C22orf42: variants seen among roughly 807,000 people sequenced by gnomAD.
C22orf42 encodes the protein chromosome 22 open reading frame 42.
A neutral mutation model predicts 31.4 loss-of-function variants in C22orf42; 24 were observed. That is an observed-to-expected ratio of 0.77 (90% CI 0.55 to 1.08). The LOEUF is 1.08. Ranked by LOEUF, C22orf42 falls within the 50% of genes least tolerant of loss-of-function variation. The pLI is 0.00. For missense variants in C22orf42, 276 were observed against 327.3 expected, an observed-to-expected ratio of 0.84 and a Z score of 1.21; for synonymous variants, 96 against 112.7, an observed-to-expected ratio of 0.85 and a Z score of 0.94.
Position 32,154,792 on chromosome 22 carries a change from G to C in C22orf42, c.233-474C>G, listed in dbSNP as rs150302567. On this transcript the variant is annotated intron_variant, in intron 1 of 8. Coordinates refer to ENST00000382097, the MANE Select transcript of C22orf42 (RefSeq NM_001010859.3). Reference sequence around the variant, plus strand: ...AAAGGCTTAAGAAGACTCATGCTTTGTAAATGCCCAACAGTGTTCAATCAT... The same window carrying C: ...AAAGGCTTAAGAAGACTCATGCTTTCTAAATGCCCAACAGTGTTCAATCAT... 3.5e-4 allele frequency among the ~76,000 whole-genome samples: 53 copies of C among 152,332 alleles called. No homozygotes were observed. The East Asian group carries it at 8.9e-3, about 25-fold the overall frequency.
Position 32,152,087 on chromosome 22 carries a change from G to C in C22orf42, c.380C>G (p.Pro127Arg). The change falls in exon 4 of 9, where the codon CCT (proline) becomes CGT (arginine). Residue 127 changes from proline (P) to arginine (R), a missense_variant. Pro to Arg is a moderately radical substitution (Grantham distance 103). Coordinates refer to ENST00000382097, the MANE Select transcript of C22orf42 (RefSeq NM_001010859.3). ...EENMTSDIEI[P>R]EAKHDHRPTE... is the part of the protein sequence containing the mutation. The stretch of plus-strand genomic sequence containing the variant: ...CGTACGGTGGTCGTGCTTGGCCTCA[G>C]GTATTTCCTGCAATAAGAGAAAAGA... The C allele has an allele frequency of 6.2e-7, 1 of 1,604,830 alleles. No individual in the cohort carries two copies.
intron 1 of C22orf42, among the ~76,000 whole-genome samples, chr22:32,156,906 C>A (rs1391665452): frequency 1.3e-5 from 2 of 152,214 alleles, no homozygotes; most frequent in East Asian, 3.8e-4. Flanking sequence ...GCAATTGTGA[C>A]AAATTCCCCT....
At chr22:32,156,043 G>A (rs969063255) in intron 1 of C22orf42, among the ~76,000 whole-genome samples, 1 of 152,058 alleles carries the variant, frequency 6.6e-6, no homozygotes, top group Non-Finnish European at 1.5e-5. Context: ...CTCTTAAAAA[G>A]AAAAAGCATT....
In C22orf42 at chr22:32,159,292, C is replaced by T. The variant is rs1921468434; in HGVS notation, c.-77G>A. 6.4e-7 allele frequency: 1 copy of T among 1,557,112 alleles called. No individual in the cohort carries two copies. The highest frequency in any genetic ancestry group is 8.6e-7 in the Non-Finnish European group (1 of 1,157,446). ...TCGGAGCTCCTCCTCCTTCTACGGC[C>T]AGCTACCGACTGAAGGCTGCTGGCC... On this transcript the variant is annotated 5_prime_UTR_variant, in exon 1 of 9. Transcript: ENST00000382097.
At chr22:32,150,708 T>G (rs2094111513) in intron 6 of C22orf42, 1 of 624,664 alleles carries the variant, frequency 1.6e-6, no homozygotes, top group African/African-American at 1.8e-5. Context: ...CAATGTGAAA[T>G]AGTCACCTTA....
chr22:32,154,119 T>C (rs1476868504), intron 2 of C22orf42, 125 bp downstream of exon 2: 12 of 696,836 alleles, frequency 1.7e-5, no homozygotes, highest in Non-Finnish European at 2.7e-5. Flanking sequence ...GCATTTAAAT[T>C]GGCACAAATG....
chr22:32,153,612 A>G (rs982628791), intron 2 of C22orf42, among the ~76,000 whole-genome samples: 1 of 152,272 alleles, frequency 6.6e-6, no homozygotes, highest in African/African-American at 2.4e-5. Flanking sequence ...AGATGATTTC[A>G]CTGGTAAATT....
At chr22:32,153,903 TG>T (rs1261661115) in intron 2 of C22orf42, among the ~76,000 whole-genome samples, 1 of 150,774 alleles carries the variant, frequency 6.6e-6, no homozygotes, top group Non-Finnish European at 1.5e-5. Context: ...ACGTGCCTTA[TG>T]GCCAGCTACT....
rs767318752 is a variant in C22orf42 at position 32,152,107 on chromosome 22, A to C, written c.373-13T>G. ...CCTCAGGTATTTCCTGCAATAAGAGAAAAGAAAAAGAAACACCATGAGGAT... is the reference window on the plus strand; with the variant it reads ...CCTCAGGTATTTCCTGCAATAAGAGCAAAGAAAAAGAAACACCATGAGGAT... On this transcript the variant is annotated splice_polypyrimidine_tract_variant and intron_variant, in intron 3 of 8. Coordinates refer to ENST00000382097, the MANE Select transcript of C22orf42 (RefSeq NM_001010859.3). The C allele has an allele frequency of 6.2e-7, 1 of 1,604,848 alleles. No individual in the cohort carries two copies.
rs1203906364 is a variant in C22orf42, at chr22:32,149,088, GT to G, written c.*451del. 1.3e-5 allele frequency: 2 copies of G among 152,246 alleles called. No individual in the cohort carries two copies. The highest frequency in any genetic ancestry group is 2.9e-5 in the Non-Finnish European group (2 of 68,092). The allele number at this position is 152,246 out of a possible 1,614,324, so 9.4% of individuals were successfully genotyped here. On this transcript the variant is annotated 3_prime_UTR_variant, in exon 9 of 9. Transcript: ENST00000382097. ...TCCATCACTCCGAAACCCCCTTACAGTTTGGTAAGAATTACATGAGATAAAA... is the reference window on the plus strand; with the variant it reads ...TCCATCACTCCGAAACCCCCTTACAGTTGGTAAGAATTACATGAGATAAAA...
chr22:32,159,967 CAA>C (rs1427639873), upstream of C22orf42: 1 of 152,256 alleles, frequency 6.6e-6, no homozygotes, highest in African/African-American at 2.4e-5. Context: ...CTTTTACTAA[CAA>C]TGCATAAAGC....
At chr22:32,152,438 T>A (rs7293186) in intron 3 of C22orf42, 124 bp downstream of exon 3, 4 of 836,504 alleles carry the variant, frequency 4.8e-6, no homozygotes, top group Middle Eastern at 2.3e-4. Flanking sequence ...GTGACCGGTC[T>A]CTAGAGTCCA....
rs777559955 is a variant in C22orf42 at position 32,151,567 on chromosome 22, G to A, written c.401-16C>T. On this transcript the variant is annotated splice_polypyrimidine_tract_variant and intron_variant, in intron 4 of 8. Coordinates refer to ENST00000382097, the MANE Select transcript of C22orf42 (RefSeq NM_001010859.3). ...TCAGTGGGACCTAGGAGAACACAGA[G>A]TGACAGTCAGTGCATTGGTGCTGCT... 2.2e-5 allele frequency: 36 copies of A among 1,612,122 alleles called. No homozygotes were observed. The highest frequency in any genetic ancestry group is 5.0e-5 in the Admixed American group (3 of 60,006).
intron 4 of C22orf42, among the ~76,000 whole-genome samples, 180 bp from the exon 5 acceptor site, chr22:32,151,731 G>T (rs552840220): frequency 6.6e-6 from 1 of 152,304 alleles, no homozygotes; most frequent in African/African-American, 2.4e-5. Flanking sequence ...AGGGTAGAAA[G>T]AAATGAAAGA....
rs767848914 is a variant in C22orf42 at position 32,149,308 on chromosome 22, G to A, written c.*232C>T. The A allele has an allele frequency of 1.3e-5, 4 of 317,504 alleles. No homozygotes were observed. Among genetic ancestry groups the A allele is most frequent in the East Asian group, 1.1e-4 (2 of 17,454 alleles). The allele number at this position is 317,504 out of a possible 1,614,324, so 19.7% of individuals were successfully genotyped here. ...ACTCTGTAATGACCCAGGATGGGGC[G>A]GGTGTTCTTCTGCATGGTGACTGAG... On this transcript the variant is annotated 3_prime_UTR_variant, in exon 9 of 9. Coordinates refer to ENST00000382097, the MANE Select transcript of C22orf42 (RefSeq NM_001010859.3).
At position 32,152,062 on chromosome 22, in the gene C22orf42, C is replaced by T. The variant is rs763091367; in HGVS notation, c.400+5G>A. On this transcript the variant is annotated splice_donor_5th_base_variant and intron_variant, in intron 4 of 8. Coordinates refer to ENST00000382097, the MANE Select transcript of C22orf42 (RefSeq NM_001010859.3). ...AATAAAGCTGTTTAAAAAAAAAATA[C>T]GTACGGTGGTCGTGCTTGGCCTCAG... The T allele has an allele frequency of 1.5e-5, 24 of 1,600,214 alleles. No individual in the cohort carries two copies. The East Asian group carries it at 1.8e-4, about 12-fold the overall frequency.
chr22:32,150,276 C>A, intron 7 of C22orf42, 43 bp downstream of exon 7: 1 of 1,583,022 alleles, frequency 6.3e-7, no homozygotes, highest in Non-Finnish European at 8.7e-7. Flanking sequence ...GCAAGAGGAC[C>A]CAGAAAAAAC....
intron 7 of C22orf42, 38 bp downstream of exon 7, chr22:32,150,281 A>T: frequency 1.3e-6 from 2 of 1,597,966 alleles, no homozygotes; most frequent in Non-Finnish European, 1.7e-6. Flanking sequence ...AGGACCCAGA[A>T]AAAACATTTC....
At position 32,150,497 on chromosome 22, in the gene C22orf42, C is replaced by A. The variant is rs1231819430; in HGVS notation, c.494-18G>T. 1.2e-6 allele frequency: 2 copies of A among 1,613,892 alleles called. No individual in the cohort carries two copies. The highest frequency in any genetic ancestry group is 2.2e-5 in the South Asian group (2 of 91,070). On this transcript the variant is annotated intron_variant, in intron 6 of 8. Transcript: ENST00000382097. ...GACCAAATCTAGGAGAACATAGTGA[C>A]AGTCAGTGCATTGGTGCTGCTGAGG... is the stretch of plus-strand genomic sequence containing the variant.
Sources: gnomAD v4.1 joint callset for allele counts (sites outside exome capture counted in the v4.1 genomes callset) on GRCh38, gnomAD v4.1.1 for gene constraint, MANE v1.5 for transcripts, NCBI Gene and HGNC (gene_info 2026-07-23, HGNC 2026-07-21) for gene names.